The following ZNF236 variants were observed in gnomAD, a reference collection of about 807,000 sequenced individuals.
ZNF236 encodes regulated by glucose.
Under a neutral mutation model 191.2 loss-of-function variants are expected in ZNF236, and 50 were observed. The observed-to-expected ratio is 0.26, with a 90% CI of 0.21 to 0.33. The LOEUF is 0.33. Ranked by LOEUF, ZNF236 falls within the 10% of genes least tolerant of loss-of-function variation. The pLI is 1.00. For synonymous variants in ZNF236, 907 were observed against 928.8 expected (o/e 0.98, Z 0.43); for missense variants, 1,754 against 2,374.5 (o/e 0.74, Z 5.43).
intron 25 of ZNF236, among the ~76,000 whole-genome samples, chr18:76,935,095 G>A (rs2122870979): frequency 6.6e-6 from 1 of 152,316 alleles, no homozygotes; most frequent in South Asian, 2.1e-4. Flanking sequence ...TCATTTTCAT[G>A]CTAAGAGTAT....
intron 2 of ZNF236, among the ~76,000 whole-genome samples, chr18:76,850,332 G>C (rs939020917): frequency 8.5e-5 from 13 of 152,130 alleles, no homozygotes; most frequent in African/African-American, 3.1e-4. Context: ...ACCATCTCAG[G>C]CTTGACTTTC....
chr18:76,825,971 A>G (rs574994749), intron 1 of ZNF236, among the ~76,000 whole-genome samples: 1 of 152,218 alleles, frequency 6.6e-6, no homozygotes, highest in Admixed American at 6.5e-5. Flanking sequence ...ACATTGCTCT[A>G]TCACTTACTG....
rs1977710321 is a variant in ZNF236, at chr18:76,905,339, C to T, written c.2221C>T (p.Arg741Cys). 4 of 1,614,162 alleles carry T rather than the reference C, an allele frequency of 2.5e-6. No individual in the cohort carries two copies. Among genetic ancestry groups the T allele is most frequent in the African/African-American group, 1.3e-5 (1 of 75,042 alleles). Residue 741 changes from arginine to cysteine, a missense_variant, in exon 13 of 31, where the codon CGT becomes TGT. Coordinates refer to ENST00000320610, the MANE Select transcript of ZNF236 (RefSeq NM_001306089.2). ...ACACATGGGTATCCACAACGACCTT[C>T]GTCCCTATATGTGTCCCTATTGCCA... is the stretch of plus-strand genomic sequence containing the variant. ...RRHMGIHNDL[R>C]PYMCPYCQKT...
At chr18:76,953,432 A>G (rs889446685) in intron 27 of ZNF236, among the ~76,000 whole-genome samples, 8 of 152,244 alleles carry the variant, frequency 5.3e-5, no homozygotes, top group African/African-American at 1.9e-4. Context: ...AGCCCTTCCC[A>G]CAGCCTGTGA....
chr18:76,847,968 G>A (rs1380368897), intron 1 of ZNF236, among the ~76,000 whole-genome samples: 3 of 152,168 alleles, frequency 2.0e-5, no homozygotes, highest in African/African-American at 7.2e-5. Context: ...GAATTGCATT[G>A]TATTTCTTGA....
chr18:76,919,280 T>C lies in ZNF236; in HGVS notation c.3275-496T>C, dbSNP rs2122800907. 6.6e-6 allele frequency among the ~76,000 whole-genome samples: 1 copy of C among 152,274 alleles called. No individual in the cohort carries two copies. Among genetic ancestry groups the C allele is most frequent in the Non-Finnish European group, 1.5e-5 (1 of 68,016 alleles). ...CCTAAAGGATGCCCTTCACTTGGCT[T>C]TTTTTTGGTTACATAATATTTCTAC... On this transcript the variant is annotated intron_variant, in intron 19 of 30. Coordinates refer to ENST00000320610, the MANE Select transcript of ZNF236 (RefSeq NM_001306089.2). This position sits in a 1 kb window ranked among gnomAD's most constrained non-coding sequence, Gnocchi z 5.3.
chr18:76,910,611 A>G (rs774139880), intron 15 of ZNF236, 49 bp from the exon 16 acceptor site: 4 of 1,555,958 alleles, frequency 2.6e-6, no homozygotes, highest in Non-Finnish European at 3.5e-6. Flanking sequence ...GAACATTTTA[A>G]TGTAACTTTA....
chr18:76,872,773 A>C (rs567646724), intron 5 of ZNF236, among the ~76,000 whole-genome samples: 1 of 152,246 alleles, frequency 6.6e-6, no homozygotes, highest in Non-Finnish European at 1.5e-5. Context: ...GAGGTTTGCA[A>C]TTAAAATGAT....
Position 76,927,889 on chromosome 18 carries a change from T to A in ZNF236, c.4415-38T>A. 1 of 1,471,586 alleles carries A rather than the reference T, an allele frequency of 6.8e-7. No homozygotes were observed. Among genetic ancestry groups the A allele is most frequent in the Non-Finnish European group, 9.1e-7 (1 of 1,099,350 alleles). The allele number at this position is 1,471,586 out of a possible 1,614,324, so 91.2% of individuals were successfully genotyped here. On this transcript the variant is annotated intron_variant, in intron 24 of 30. Transcript: ENST00000320610. The surrounding 1 kb of genome is among the most constrained non-coding windows in gnomAD (Gnocchi z 5.4). ...TAAAAACAGGGGAAATTGGTTATTT[T>A]GAATCTCAACTTTGTTTTGCTTTGT...
chr18:76,951,144 C>T (rs1293365703), intron 27 of ZNF236, among the ~76,000 whole-genome samples: 1 of 152,128 alleles, frequency 6.6e-6, no homozygotes, highest in African/African-American at 2.4e-5. Flanking sequence ...TTCTTAAGGG[C>T]CTTAGGATTT....
chr18:76,950,520 T>C (rs148491755), intron 27 of ZNF236, among the ~76,000 whole-genome samples: 56 of 152,284 alleles, frequency 3.7e-4, no homozygotes, highest in African/African-American at 1.3e-3. Flanking sequence ...GAGATCCTTA[T>C]CTGCTGAGTT....
intron 1 of ZNF236, among the ~76,000 whole-genome samples, chr18:76,826,920 CAG>C (rs982773734): frequency 6.7e-6 from 1 of 149,864 alleles, no homozygotes; most frequent in East Asian, 1.9e-4. Context: ...TTTTTTGAGA[CAG>C]AGTTTTGCTC....
chr18:76,834,213 T>C (rs549140748), intron 1 of ZNF236, among the ~76,000 whole-genome samples: 1 of 152,194 alleles, frequency 6.6e-6, no homozygotes, highest in African/African-American at 2.4e-5. Context: ...ATGGTGGAGA[T>C]TGTGCTTTTT....
chr18:76,934,099 C>G (rs1309943916), intron 25 of ZNF236, among the ~76,000 whole-genome samples: 1 of 152,160 alleles, frequency 6.6e-6, no homozygotes, highest in Non-Finnish European at 1.5e-5. Flanking sequence ...ATTCTCTATG[C>G]AAGCAAGGTT....
chr18:76,824,537 TTTAA>T (rs1388951804), intron 1 of ZNF236: 9 of 748,442 alleles, frequency 1.2e-5, no homozygotes, highest in Non-Finnish European at 1.7e-5. Context: ...ATTTCGTTAG[TTTAA>T]TTGTTTTGTT....
chr18:76,959,926 T>A, intron 29 of ZNF236, 110 bp downstream of exon 29: 5 of 1,289,462 alleles, frequency 3.9e-6, no homozygotes, highest in Non-Finnish European at 4.2e-6. Flanking sequence ...ATGCTTTATT[T>A]ATAAAGCAAG....
rs192017117 is a variant in ZNF236 at position 76,925,068 on chromosome 18, C to T, written c.3662-121C>T. On this transcript the variant is annotated intron_variant, in intron 21 of 30. Coordinates refer to ENST00000320610, the MANE Select transcript of ZNF236 (RefSeq NM_001306089.2). The surrounding 1 kb of genome is among the most constrained non-coding windows in gnomAD (Gnocchi z 5.7). Reference sequence around the variant, plus strand: ...ACATCTTATAGGTGAAAGGGATTCTCATTAAAGTACTTCCATCCACTGATT... The same window carrying T: ...ACATCTTATAGGTGAAAGGGATTCTTATTAAAGTACTTCCATCCACTGATT... The T allele has an allele frequency of 7.7e-6, 11 of 1,429,840 alleles. No homozygotes were observed. In the East Asian group the frequency reaches 1.8e-4, roughly 24 times the overall value. The allele number at this position is 1,429,840 out of a possible 1,614,324, so 88.6% of individuals were successfully genotyped here. A position where few individuals can be genotyped will look rare whatever the true frequency, so the allele number is the denominator to read the frequency against.
At chr18:76,954,928 A>G (rs538715017) in intron 27 of ZNF236, among the ~76,000 whole-genome samples, 137 of 152,356 alleles carry the variant, frequency 9.0e-4, no homozygotes, top group African/African-American at 3.1e-3. Flanking sequence ...AGCACCCTGT[A>G]TAAATCTTTT....
At chr18:76,958,933 G>C (rs1303521089) in intron 28 of ZNF236, among the ~76,000 whole-genome samples, 1 of 152,198 alleles carries the variant, frequency 6.6e-6, no homozygotes, top group Non-Finnish European at 1.5e-5. Context: ...TGCCTTACAG[G>C]GTAGAGGTTA....
Sources: gnomAD v4.1 joint callset for allele counts (sites outside exome capture counted in the v4.1 genomes callset) on GRCh38, gnomAD v4.1.1 for gene constraint, Gnocchi (gnomAD v3.1) non-coding constraint, MANE v1.5 for transcripts, NCBI Gene and HGNC (gene_info 2026-07-23, HGNC 2026-07-21) for gene names.